TNXB: variants seen among roughly 807,000 people sequenced by gnomAD.
The protein encoded by TNXB is tenascin XB, also known as tenascin-X.
Under a neutral mutation model 340.5 loss-of-function variants are expected in TNXB, and 183 were observed. The ratio of observed to expected loss-of-function variants is 0.54; its 90% CI spans 0.48 to 0.61. TNXB has a LOEUF of 0.61. TNXB is among the 20% of genes least tolerant of loss of function. TNXB has a pLI of 0.00. For missense variants in TNXB, 4,613 were observed against 5,446.4 expected, an observed-to-expected ratio of 0.85 and a Z score of 4.82; for synonymous variants, 2,121 against 2,314.5, an observed-to-expected ratio of 0.92 and a Z score of 2.40.
At chr6:32,107,482 GGCAA>G (rs1264637190) in intron 1 of TNXB, among the ~76,000 whole-genome samples, 5 of 152,028 alleles carry the variant, frequency 3.3e-5, no homozygotes, top group African/African-American at 4.8e-5. Flanking sequence ...CTCGGTACTG[GGCAA>G]GCAAAGAATT....
chr6:32,105,171 C>G (rs1780916640), intron 1 of TNXB, among the ~76,000 whole-genome samples: 1 of 152,130 alleles, frequency 6.6e-6, no homozygotes, highest in Non-Finnish European at 1.5e-5. Flanking sequence ...TGCCCATCCC[C>G]AACCCCAGAT....
In TNXB at chr6:32,082,247, C is replaced by T; in HGVS notation, c.3525G>A (p.Leu1175=). ...CCTCAGGGACAGTCCAGGAGAGGTG[C>T]AGTGAATCTGGGGTAGGGTCTGTCA... ...LWVTDPTPDS[L]HLSWTVPEGQ... The change falls in exon 9 of 44, where the codon CTG becomes CTA. Residue 1175 remains leucine, a synonymous_variant. Coordinates refer to ENST00000644971, the MANE Select transcript of TNXB (RefSeq NM_001365276.2). This position sits in a 1 kb window ranked among gnomAD's most constrained non-coding sequence, Gnocchi z 5.0. 2 of 1,608,938 alleles carry T rather than the reference C, an allele frequency of 1.2e-6. No homozygotes were observed. The highest frequency in any genetic ancestry group is 1.7e-6 in the Non-Finnish European group (2 of 1,178,266).
At chr6:32,105,762 A>T (rs553368690) in intron 1 of TNXB, among the ~76,000 whole-genome samples, 55 of 152,304 alleles carry the variant, frequency 3.6e-4, no homozygotes, top group African/African-American at 1.3e-3. Context: ...AAACTGTTTG[A>T]CAGAATCTAC....
Position 32,087,968 on chromosome 6 carries a change from C to G in TNXB, c.2779+817G>C. 3.2e-6 allele frequency: 1 copy of G among 310,230 alleles called. No homozygotes were observed. Among genetic ancestry groups the G allele is most frequent in the Non-Finnish European group, 6.3e-6 (1 of 159,302 alleles). 19.2% of individuals were successfully genotyped at this position (310,230 alleles called of 1,614,324 possible). On this transcript the variant is annotated intron_variant, in intron 6 of 43. Coordinates refer to ENST00000644971, the MANE Select transcript of TNXB (RefSeq NM_001365276.2). This position sits in a 1 kb window ranked among gnomAD's most constrained non-coding sequence, Gnocchi z 9.0. ...GGGGGCGGGGCTGGGGGGCGCACCT[C>G]CGGGTAACTGTAGTGGCCTGGTGCT...
In TNXB at chr6:32,087,622, T is replaced by TGGGGGGGGGGGGGGGGG; in HGVS notation, c.2779+1162_2779+1163insCCCCCCCCCCCCCCCCC. 3.3e-5 allele frequency: 1 copy of TGGGGGGGGGGGGGGGGG among 30,684 alleles called. No individual in the cohort carries two copies. Among genetic ancestry groups the TGGGGGGGGGGGGGGGGG allele is most frequent in the Non-Finnish European group, 7.9e-5 (1 of 12,670 alleles). 1.9% of individuals were successfully genotyped at this position (30,684 alleles called of 1,614,324 possible). A position where few individuals can be genotyped will look rare whatever the true frequency, so the allele number is the denominator to read the frequency against. On this transcript the variant is annotated intron_variant, in intron 6 of 43. Transcript: ENST00000644971. This position sits in a 1 kb window ranked among gnomAD's most constrained non-coding sequence, Gnocchi z 9.0. Reference sequence around the variant, plus strand: ...ATCAGGGCTGGCGGTGGGGCGGGGGTGGCGGGGCGGGGGTGCGGGGGAGCC... The same window carrying TGGGGGGGGGGGGGGGGG: ...ATCAGGGCTGGCGGTGGGGCGGGGGTGGGGGGGGGGGGGGGGGGGCGGGGCGGGGGTGCGGGGGAGCC...
chr6:32,098,348 C>A, intron 1 of TNXB, 142 bp from the exon 2 acceptor site: 1 of 663,686 alleles, frequency 1.5e-6, no homozygotes, highest in Non-Finnish European at 2.3e-6. Flanking sequence ...ACATTCCGCC[C>A]AACCCTAAAG....
At chr6:32,091,452 C>T (rs934854620) in intron 4 of TNXB, among the ~76,000 whole-genome samples, 1 of 150,624 alleles carries the variant, frequency 6.6e-6, no homozygotes, top group African/African-American at 2.4e-5. Context: ...CTGGCTCTGC[C>T]CCTTGGTAAA....
chr6:32,063,059 AAAAC>A (rs1264953453), intron 19 of TNXB, among the ~76,000 whole-genome samples: 1 of 151,326 alleles, frequency 6.6e-6, no homozygotes, highest in Non-Finnish European at 1.5e-5. Flanking sequence ...TCTCAAGAAA[AAAAC>A]AAACAAACAA....
rs1582448668 is a variant in TNXB, at chr6:32,084,774, C to T, written c.3149-65G>A. Reference sequence around the variant, plus strand: ...ACCGTTCTCTTGTCTGTGTCTCCTTCCCTCTCCCCTGCCCACCTCACTCCA... The same window carrying T: ...ACCGTTCTCTTGTCTGTGTCTCCTTTCCTCTCCCCTGCCCACCTCACTCCA... On this transcript the variant is annotated intron_variant, in intron 7 of 43. Transcript: ENST00000644971. The surrounding 1 kb of genome is among the most constrained non-coding windows in gnomAD (Gnocchi z 5.5). 2 of 1,408,880 alleles carry T rather than the reference C, an allele frequency of 1.4e-6. No individual in the cohort carries two copies. The highest frequency in any genetic ancestry group is 1.5e-5 in the South Asian group (1 of 65,926). 87.3% of individuals were successfully genotyped at this position (1,408,880 alleles called of 1,614,324 possible).
Position 32,084,752 on chromosome 6 carries a change from GT to G in TNXB, c.3149-44del. ...AAAGCAAAGCATAGTGGACTCAACC[GT>G]TCTCTTGTCTGTGTCTCCTTCCCTC... On this transcript the variant is annotated intron_variant, in intron 7 of 43. Coordinates refer to ENST00000644971, the MANE Select transcript of TNXB (RefSeq NM_001365276.2). This position sits in a 1 kb window ranked among gnomAD's most constrained non-coding sequence, Gnocchi z 5.5. 1 of 1,479,890 alleles carries G rather than the reference GT, an allele frequency of 6.8e-7. No homozygotes were observed. The highest frequency in any genetic ancestry group is 1.8e-4 in the Middle Eastern group (1 of 5,562). The allele number at this position is 1,479,890 out of a possible 1,614,324, so 91.7% of individuals were successfully genotyped here.
chr6:32,104,337 T>C (rs1313431611), intron 1 of TNXB, among the ~76,000 whole-genome samples: 1 of 152,192 alleles, frequency 6.6e-6, no homozygotes, highest in Non-Finnish European at 1.5e-5. Flanking sequence ...ACCTGCCTAC[T>C]TGGCATCTCC....
rs1021233355 is a variant in TNXB, at chr6:32,053,298, C to G, written c.8791+90G>C. The G allele has an allele frequency of 5.9e-6, 9 of 1,527,640 alleles. No individual in the cohort carries two copies. The African/African-American group carries it at 1.2e-4, about 21-fold the overall frequency. 94.6% of individuals were successfully genotyped at this position (1,527,640 alleles called of 1,614,324 possible). Reference sequence around the variant, plus strand: ...AAAAGTACCATGGCTCAGCCAAGAGCAGAGGGGCTTCCTGGGCCAGTTCAC... The same window carrying G: ...AAAAGTACCATGGCTCAGCCAAGAGGAGAGGGGCTTCCTGGGCCAGTTCAC... On this transcript the variant is annotated intron_variant, in intron 25 of 43. Coordinates refer to ENST00000644971, the MANE Select transcript of TNXB (RefSeq NM_001365276.2).
intron 1 of TNXB, among the ~76,000 whole-genome samples, chr6:32,103,682 T>C (rs1780836069): frequency 6.6e-6 from 1 of 151,774 alleles, no homozygotes; most frequent in African/African-American, 2.4e-5. Context: ...TCATCTTGCT[T>C]GACCTTTGAC....
Position 32,072,009 on chromosome 6 carries a change from G to A in TNXB, c.4971C>T (p.Val1657=), listed in dbSNP as rs542401330. The change falls in exon 13 of 44, where the codon GTC becomes GTT. Residue 1657 remains valine (V), a synonymous_variant. Transcript: ENST00000644971. This position sits in a 1 kb window ranked among gnomAD's most constrained non-coding sequence, Gnocchi z 4.4. ...GIQDGKRRSP[V]SVEAKTVARG... ...TCTCACCCGTCTTTGCCTCCACAGA[G>A]ACTGGGCTGCGTCGTTTCCCATCCT... The A allele has an allele frequency of 1.9e-5, 31 of 1,605,322 alleles. No individual in the cohort carries two copies. In the African/African-American group the frequency reaches 3.7e-4, roughly 19 times the overall value.
chr6:32,081,513 C>T lies in TNXB; in HGVS notation c.3897G>A (p.Gln1299=), dbSNP rs1426428143. 2 of 1,607,492 alleles carry T rather than the reference C, an allele frequency of 1.2e-6. No individual in the cohort carries two copies. The highest frequency in any genetic ancestry group is 2.2e-5 in the South Asian group (2 of 89,666). Residue 1299 remains glutamine (Q), a synonymous_variant, in exon 10 of 44, where the codon CAG becomes CAA. Transcript: ENST00000644971. The surrounding 1 kb of genome is among the most constrained non-coding windows in gnomAD (Gnocchi z 5.1). The part of the protein sequence containing the change: ...DSFMVQYKDA[Q]GQPQAVPVAG... Reference sequence around the variant, plus strand: ...CAACAGGCACTGCCTGGGGCTGCCCCTGTGCATCCTTGTACTGGACCATGA... The same window carrying T: ...CAACAGGCACTGCCTGGGGCTGCCCTTGTGCATCCTTGTACTGGACCATGA...
In TNXB at chr6:32,085,870, CT is replaced by C; in HGVS notation, c.3027del (p.Asp1011ThrfsTer58). The C allele has an allele frequency of 6.2e-7, 1 of 1,608,700 alleles. No individual in the cohort carries two copies. The highest frequency in any genetic ancestry group is 8.5e-7 in the Non-Finnish European group (1 of 1,178,716). ...EGPGAHEEVL[P>X]GDVRQALVPP... ...GGCACCAGAGCCTGGCGGACGTCCC[CT>C]GGCAGCACTTCCTCATGTGCCCCCG... On this transcript the variant is annotated frameshift_variant, in exon 7 of 44. Coordinates refer to ENST00000644971, the MANE Select transcript of TNXB (RefSeq NM_001365276.2). LOFTEE classifies it high-confidence loss of function. This position sits in a 1 kb window ranked among gnomAD's most constrained non-coding sequence, Gnocchi z 6.4.
rs376639281 is a variant in TNXB at position 32,050,316 on chromosome 6, T to G, written c.9121A>C (p.Lys3041Gln). ...GCTTGGGTGGTCTCGGCTTCATCCT[T>G]TGGAGCTGGACAGACACGTGTGGGG... ...PVSAVGVTAP[K>Q]DEAETTQAVP... The change falls in exon 27 of 44, where the codon AAG (lysine) becomes CAG (glutamine). Residue 3041 changes from lysine to glutamine, a missense_variant. This residue lies in a region of TNXB where 4,327 missense variants were observed against 4,859.4 expected (regional missense o/e 0.89). Coordinates refer to ENST00000644971, the MANE Select transcript of TNXB (RefSeq NM_001365276.2). 6.2e-7 allele frequency: 1 copy of G among 1,612,492 alleles called. No homozygotes were observed.
Position 32,070,239 on chromosome 6 carries a change from A to G in TNXB, c.5166T>C (p.His1722=). The G allele has an allele frequency of 6.2e-7, 1 of 1,606,756 alleles. No homozygotes were observed. Among genetic ancestry groups the G allele is most frequent in the South Asian group, 1.1e-5 (1 of 89,834 alleles). ...GAGGGGTGACAGTGACAGAGCGCTCATGGCCCTCCACGGGCACCACCTGGG... is the reference window on the plus strand; with the variant it reads ...GAGGGGTGACAGTGACAGAGCGCTCGTGGCCCTCCACGGGCACCACCTGGG... ...DGPQVVPVEG[H]ERSVTVTPLD... The change falls in exon 14 of 44, where the codon CAT becomes CAC. Residue 1722 remains histidine (H), a synonymous_variant. Coordinates refer to ENST00000644971, the MANE Select transcript of TNXB (RefSeq NM_001365276.2). The surrounding 1 kb of genome is among the most constrained non-coding windows in gnomAD (Gnocchi z 6.0).
In TNXB at chr6:32,082,216, A is replaced by T; in HGVS notation, c.3556T>A (p.Phe1186Ile). 1.9e-6 allele frequency: 3 copies of T among 1,612,256 alleles called. No homozygotes were observed. The highest frequency in any genetic ancestry group is 2.5e-6 in the Non-Finnish European group (3 of 1,179,490). ...CTGTACTGGACCATGAAGGTGTCAA[A>T]CTGGCCCTCAGGGACAGTCCAGGAG... is the stretch of plus-strand genomic sequence containing the variant. Reference protein sequence around the residue: ...HLSWTVPEGQFDTFMVQYRDR... With the variant: ...HLSWTVPEGQIDTFMVQYRDR... The change falls in exon 9 of 44, where the codon TTT (phenylalanine) becomes ATT (isoleucine). Residue 1186 changes from phenylalanine to isoleucine, a missense_variant. Coordinates refer to ENST00000644971, the MANE Select transcript of TNXB (RefSeq NM_001365276.2). This position sits in a 1 kb window ranked among gnomAD's most constrained non-coding sequence, Gnocchi z 5.0.
Sources: allele counts gnomAD v4.1 joint callset (sites outside exome capture counted in the v4.1 genomes callset), GRCh38; gene constraint gnomAD v4.1.1; regional missense constraint gnomAD v4.1.1; non-coding constraint Gnocchi (gnomAD v3.1); transcripts MANE v1.5; gene names NCBI Gene and HGNC (gene_info 2026-07-23, HGNC 2026-07-21).